EYS: variants seen among roughly 807,000 people sequenced by gnomAD.
EYS encodes protein eyes shut homolog.
EYS carries 250 observed loss-of-function variants against 282.1 expected under a neutral mutation model. The ratio of observed to expected loss-of-function variants is 0.89; its 90% confidence interval spans 0.80 to 0.98. The LOEUF is 0.98. EYS is among the 50% of genes least tolerant of loss of function. The probability of loss-of-function intolerance (pLI) is 0.00; values close to 1 mark genes in which losing one functional copy is unlikely to be tolerated. For synonymous variants in EYS, 1,355 were observed against 1,282.9 expected (o/e 1.06, Z -1.20); for missense variants, 4,016 against 3,709.0 (o/e 1.08, Z -2.15).
intron 31 of EYS, among the ~76,000 whole-genome samples, chr6:64,088,772 T>C (rs1017736317): frequency 6.6e-6 from 1 of 152,032 alleles, no homozygotes; most frequent in African/African-American, 2.4e-5. Context: ...ATCTTTACCC[T>C]GAACACAACG....
At chr6:65,522,357 T>C (rs918057238) in intron 2 of EYS, among the ~76,000 whole-genome samples, 4 of 152,140 alleles carry the variant, frequency 2.6e-5, no homozygotes, top group African/African-American at 9.7e-5. Flanking sequence ...TCCCAGCACT[T>C]TGGGAGGCTG....
chr6:65,485,168 C>T (rs1269322733), intron 5 of EYS, among the ~76,000 whole-genome samples: 1 of 152,028 alleles, frequency 6.6e-6, no homozygotes, highest in East Asian at 1.9e-4. Flanking sequence ...TGTAGTTGCC[C>T]CTAAACTGTG....
At chr6:64,611,197 A>G (rs1582952426) in intron 24 of EYS, among the ~76,000 whole-genome samples, 1 of 152,260 alleles carries the variant, frequency 6.6e-6, no homozygotes, top group East Asian at 1.9e-4. Flanking sequence ...CCTGAGAAGC[A>G]GATCGAGCCT....
intron 42 of EYS, among the ~76,000 whole-genome samples, chr6:63,723,995 C>T (rs996287574): frequency 1.3e-5 from 2 of 151,788 alleles, no homozygotes; most frequent in African/African-American, 2.4e-5. Flanking sequence ...TTGGGTAGAG[C>T]GAGGTTTTAC....
At position 65,631,636 on chromosome 6, in the gene EYS, G is replaced by A. The variant is rs540289921; in HGVS notation, c.-333+8142C>T. On this transcript the variant is annotated intron_variant, in intron 2 of 42. Coordinates refer to ENST00000503581, the MANE Select transcript of EYS (RefSeq NM_001142800.2). ...TACTCTGATTTACTATAAAAGACTT[G>A]TAATTGATTTTTCTCTTTCATGTTC... is the stretch of plus-strand genomic sequence containing the variant. Among the ~76,000 whole-genome samples the A allele has an allele frequency of 4.0e-4, 61 of 152,216 alleles. No individual in the cohort carries two copies. The South Asian group carries it at 6.2e-3, about 16-fold the overall frequency.
chr6:64,572,998 G>A (rs1169526575), intron 26 of EYS, among the ~76,000 whole-genome samples: 1 of 152,014 alleles, frequency 6.6e-6, no homozygotes, highest in Non-Finnish European at 1.5e-5. Flanking sequence ...AAAGATGGAG[G>A]CATCATGCTA....
At chr6:64,987,882 T>A (rs1318840199) in intron 14 of EYS, among the ~76,000 whole-genome samples, 1 of 151,596 alleles carries the variant, frequency 6.6e-6, no homozygotes, top group Non-Finnish European at 1.5e-5. Context: ...CACATGTATG[T>A]GTAAATTCAT....
chr6:65,026,810 G>A (rs1772426222), intron 13 of EYS, among the ~76,000 whole-genome samples: 1 of 151,998 alleles, frequency 6.6e-6, no homozygotes, highest in Admixed American at 6.6e-5. Context: ...CCAGTTACCT[G>A]GGAGGCTGAG....
At chr6:64,020,414 A>C (rs1049245555) in intron 33 of EYS, among the ~76,000 whole-genome samples, 2 of 152,202 alleles carry the variant, frequency 1.3e-5, no homozygotes, top group Non-Finnish European at 2.9e-5. Context: ...ATAAACATAC[A>C]CATTTGTTTA....
intron 12 of EYS, among the ~76,000 whole-genome samples, chr6:65,196,275 C>T (rs1765764480): frequency 6.6e-6 from 1 of 151,972 alleles, no homozygotes; most frequent in African/African-American, 2.4e-5. Flanking sequence ...TTAAGGAATA[C>T]ATTATACTTT....
intron 31 of EYS, among the ~76,000 whole-genome samples, chr6:64,102,192 T>C (rs1018005092): frequency 2.0e-5 from 3 of 152,184 alleles, no homozygotes; most frequent in Non-Finnish European, 4.4e-5. Flanking sequence ...AATATTCTTC[T>C]TTATGTTTTT....
chr6:64,037,774 A>G (rs930658412), intron 33 of EYS, among the ~76,000 whole-genome samples: 1 of 152,170 alleles, frequency 6.6e-6, no homozygotes, highest in Non-Finnish European at 1.5e-5. Flanking sequence ...ACCTCCTCCT[A>G]AAATCATTAA....
intron 30 of EYS, among the ~76,000 whole-genome samples, chr6:64,258,665 G>A (rs1767483337): frequency 6.6e-6 from 1 of 152,052 alleles, no homozygotes; most frequent in African/African-American, 2.4e-5. Context: ...AAGATATTAA[G>A]TCACTGCATT....
chr6:65,613,204 G>A (rs1274338189), intron 2 of EYS, among the ~76,000 whole-genome samples: 1 of 151,728 alleles, frequency 6.6e-6, no homozygotes, highest in Non-Finnish European at 1.5e-5. Flanking sequence ...TTTAGTGTTG[G>A]AGAAATCAAT....
At position 64,858,067 on chromosome 6, in the gene EYS, T is replaced by C. The variant is rs1285012838; in HGVS notation, c.2992+28630A>G. Among the ~76,000 whole-genome samples the C allele has an allele frequency of 2.6e-5, 4 of 152,188 alleles. No homozygotes were observed. In the East Asian group the frequency reaches 7.7e-4, roughly 29 times the overall value. ...TTGGGTTGCCTCTTCACTTTATTAA[T>C]TAGTTCCTTTGATATGCAGAAATTT... On this transcript the variant is annotated intron_variant, in intron 19 of 42. Transcript: ENST00000503581.
At chr6:64,957,704 G>T (rs1769758795) in intron 14 of EYS, among the ~76,000 whole-genome samples, 1 of 151,934 alleles carries the variant, frequency 6.6e-6, no homozygotes, top group South Asian at 2.1e-4. Context: ...AACATCTCAT[G>T]CATACCATAA....
Position 65,155,993 on chromosome 6 carries a change from C to A in EYS, c.2024-98266G>T, listed in dbSNP as rs1010972354. ...GAAGATCTGTATTTCAGAAAATCAG[C>A]CAAGCTTCAGTCTGTAGATTTTAAT... On this transcript the variant is annotated intron_variant, in intron 12 of 42. Coordinates refer to ENST00000503581, the MANE Select transcript of EYS (RefSeq NM_001142800.2). Among the ~76,000 whole-genome samples, 7 of 151,330 alleles carry A rather than the reference C, an allele frequency of 4.6e-5. No individual in the cohort carries two copies. In the Admixed American group the frequency reaches 4.6e-4, roughly 10 times the overall value.
At chr6:64,351,695 A>G (rs1200580554) in intron 29 of EYS, among the ~76,000 whole-genome samples, 1 of 151,592 alleles carries the variant, frequency 6.6e-6, no homozygotes, top group East Asian at 1.9e-4. Flanking sequence ...AAGAAAGTCT[A>G]TAAATAATTC....
chr6:65,093,276 T>G (rs1037605255), intron 12 of EYS, among the ~76,000 whole-genome samples: 2 of 151,818 alleles, frequency 1.3e-5, no homozygotes, highest in Non-Finnish European at 2.9e-5. Context: ...CAGGCCTGCC[T>G]TACAAGAAAT....
Sources: allele counts gnomAD v4.1 joint callset (sites outside exome capture counted in the v4.1 genomes callset), GRCh38; gene constraint gnomAD v4.1.1; transcripts MANE v1.5; gene names NCBI Gene and HGNC (gene_info 2026-07-23, HGNC 2026-07-21).